FUT9: variants seen among roughly 807,000 people sequenced by gnomAD.
The protein encoded by FUT9 is 4-galactosyl-N-acetylglucosaminide 3-alpha-L-fucosyltransferase 9.
A neutral mutation model predicts 29.7 loss-of-function variants in FUT9; 15 were observed. The ratio of observed to expected loss-of-function variants is 0.51; its 90% CI spans 0.34 to 0.78. The LOEUF is 0.78. Ranked by LOEUF, FUT9 falls within the 30% of genes least tolerant of loss-of-function variation. The pLI, the probability that FUT9 is intolerant of heterozygous loss-of-function variation, is 0.01. For synonymous variants in FUT9, 169 were observed against 153.7 expected, an observed-to-expected ratio of 1.10 and a Z score of -0.74; for missense variants, 319 against 425.4, an observed-to-expected ratio of 0.75 and a Z score of 2.20.
At chr6:96,167,042 A>T (rs999104730) in intron 2 of FUT9, among the ~76,000 whole-genome samples, 4 of 152,180 alleles carry the variant, frequency 2.6e-5, no homozygotes, top group African/African-American at 9.7e-5. Flanking sequence ...CAGGGGGTTG[A>T]CTGTACATTA....
In FUT9 at chr6:96,195,419, A is replaced by G. The variant is rs184319412; in HGVS notation, c.-8-7729A>G. 3.9e-5 allele frequency among the ~76,000 whole-genome samples: 6 copies of G among 152,286 alleles called. No homozygotes were observed. In the East Asian group the frequency reaches 1.2e-3, roughly 29 times the overall value. ...GATTATATATAAGGATCTTTGAGAA[A>G]GGTTCACAAACACAAATTTTATAGC... On this transcript the variant is annotated intron_variant, in intron 2 of 2. Transcript: ENST00000302103.
At chr6:96,116,855 G>A (rs1771920673) in intron 2 of FUT9, among the ~76,000 whole-genome samples, 1 of 151,950 alleles carries the variant, frequency 6.6e-6, no homozygotes, top group Non-Finnish European at 1.5e-5. Flanking sequence ...TTTAAAGGGG[G>A]GTGGAACTGT....
intron 1 of FUT9, among the ~76,000 whole-genome samples, chr6:96,076,866 T>A (rs1771148851): frequency 6.6e-6 from 1 of 152,174 alleles, no homozygotes; most frequent in African/African-American, 2.4e-5. Flanking sequence ...GAACACTTTT[T>A]TGAAGTTTAT....
intron 1 of FUT9, among the ~76,000 whole-genome samples, chr6:96,095,731 A>T (rs977798663): frequency 6.6e-6 from 1 of 151,998 alleles, no homozygotes. Flanking sequence ...ATTTCATCAA[A>T]TTTCATGTTG....
At chr6:96,112,029 T>C (rs957103841) in intron 1 of FUT9, among the ~76,000 whole-genome samples, 4 of 152,302 alleles carry the variant, frequency 2.6e-5, no homozygotes, top group Non-Finnish European at 5.9e-5. Context: ...ATTTTATTAT[T>C]TTTTCTAATT....
At chr6:96,118,355 A>G (rs189213701) in intron 2 of FUT9, among the ~76,000 whole-genome samples, 2 of 152,288 alleles carry the variant, frequency 1.3e-5, no homozygotes, top group East Asian at 3.9e-4. Flanking sequence ...CATGCACTGC[A>G]TAACATTGCA....
intron 2 of FUT9, among the ~76,000 whole-genome samples, chr6:96,114,338 G>C (rs1373753568): frequency 6.6e-6 from 1 of 151,798 alleles, no homozygotes; most frequent in African/African-American, 2.4e-5. Flanking sequence ...ATAATTTTCT[G>C]TCATGGTAGG....
chr6:96,135,549 AT>A (rs1772331208), intron 2 of FUT9, among the ~76,000 whole-genome samples: 1 of 151,896 alleles, frequency 6.6e-6, no homozygotes, highest in Non-Finnish European at 1.5e-5. Flanking sequence ...AATAATGAGC[AT>A]TGGGAATATA....
At chr6:96,045,501 T>G (rs897990552) in intron 1 of FUT9, among the ~76,000 whole-genome samples, 13 of 152,212 alleles carry the variant, frequency 8.5e-5, no homozygotes, top group African/African-American at 3.1e-4. Context: ...TCAATGACTC[T>G]CTTTATTAAA....
intron 2 of FUT9, among the ~76,000 whole-genome samples, chr6:96,145,376 C>T (rs780209554): frequency 3.9e-5 from 6 of 152,046 alleles, no homozygotes; most frequent in African/African-American, 7.2e-5. Flanking sequence ...ATTTATTCAT[C>T]CATTAAACAG....
chr6:96,196,439 C>T (rs190369119), intron 2 of FUT9, among the ~76,000 whole-genome samples: 338 of 152,158 alleles, frequency 2.2e-3, no homozygotes, highest in African/African-American at 7.8e-3. Context: ...GAGGGACGGG[C>T]GCAGTGGCTC....
intron 1 of FUT9, among the ~76,000 whole-genome samples, chr6:96,045,861 A>G (rs1439070170): frequency 2.6e-5 from 4 of 152,210 alleles, no homozygotes; most frequent in Non-Finnish European, 5.9e-5. Flanking sequence ...TGCCTAAGGC[A>G]GCTTAATGCA....
chr6:96,074,392 T>G (rs1771110786), intron 1 of FUT9, among the ~76,000 whole-genome samples: 1 of 152,194 alleles, frequency 6.6e-6, no homozygotes, highest in African/African-American at 2.4e-5. Context: ...AAAGTAATAT[T>G]GAGTTTGGAC....
chr6:96,193,218 T>TA, intron 2 of FUT9, among the ~76,000 whole-genome samples: 1 of 6,134 alleles, frequency 1.6e-4, no homozygotes, highest in Non-Finnish European at 9.3e-3. Flanking sequence ...CTAATTAAAC[T>TA]AAAGAGCTTC....
At chr6:96,135,743 C>T (rs901908544) in intron 2 of FUT9, among the ~76,000 whole-genome samples, 1 of 151,654 alleles carries the variant, frequency 6.6e-6, no homozygotes, top group African/African-American at 2.4e-5. Flanking sequence ...CAACATTGTG[C>T]TAATAGTGAA....
intron 1 of FUT9, among the ~76,000 whole-genome samples, chr6:96,104,381 C>T (rs892469203): frequency 1.3e-5 from 2 of 151,976 alleles, no homozygotes; most frequent in Admixed American, 6.6e-5. Flanking sequence ...TGGCTTGATA[C>T]TTTATTTTAA....
At chr6:96,060,768 C>A (rs1004453917) in intron 1 of FUT9, among the ~76,000 whole-genome samples, 1 of 152,170 alleles carries the variant, frequency 6.6e-6, no homozygotes, top group Non-Finnish European at 1.5e-5. Context: ...AAACTCCTAA[C>A]CTCAAGTGAT....
At chr6:96,100,074 G>GA (rs1173359146) in intron 1 of FUT9, among the ~76,000 whole-genome samples, 3 of 152,014 alleles carry the variant, frequency 2.0e-5, no homozygotes, top group African/African-American at 7.2e-5. Flanking sequence ...GATTTACATG[G>GA]AAAATAACAT....
chr6:96,115,882 T>C (rs1771901969), intron 2 of FUT9, among the ~76,000 whole-genome samples: 1 of 152,206 alleles, frequency 6.6e-6, no homozygotes, highest in African/African-American at 2.4e-5. Context: ...GCTTTTTGTT[T>C]GCTTCCATGT....
Sources: gnomAD v4.1 joint callset for allele counts (sites outside exome capture counted in the v4.1 genomes callset) on GRCh38, gnomAD v4.1.1 for gene constraint, MANE v1.5 for transcripts, NCBI Gene and HGNC (gene_info 2026-07-23, HGNC 2026-07-21) for gene names.